Variants in BLTP1 observed in about 807,000 individuals in gnomAD.
BLTP1 encodes the protein fragile site-associated protein.
At chr4:122,254,251 T>C in the BLTP1 span, 1 of 1,612,524 alleles carries the variant, frequency 6.2e-7, no homozygotes, top group Non-Finnish European at 8.5e-7. Flanking sequence ...TGCCTCCTCC[T>C]CCAGATTCAT....
chr4:122,254,685 A>C, the BLTP1 span: 4 of 1,236,590 alleles, frequency 3.2e-6, no homozygotes, highest in Non-Finnish European at 4.1e-6. Context: ...TCAGTGCTCA[A>C]AAAGAAAAGA....
the BLTP1 span, among the ~76,000 whole-genome samples, chr4:122,334,711 T>C: frequency 6.6e-6 from 1 of 152,112 alleles, no homozygotes; most frequent in African/African-American, 2.4e-5. Flanking sequence ...CCAACCATTT[T>C]CACCTGTTTT....
the BLTP1 span, among the ~76,000 whole-genome samples, chr4:122,351,883 G>A: frequency 1.7e-3 from 264 of 152,260 alleles, no homozygotes; most frequent in Admixed American, 5.5e-3. Flanking sequence ...ATGATCTTTG[G>A]TTGGATTATG....
At chr4:122,323,199 C>T in the BLTP1 span, among the ~76,000 whole-genome samples, 2 of 151,592 alleles carry the variant, frequency 1.3e-5, no homozygotes, top group Non-Finnish European at 2.9e-5. Flanking sequence ...CTGTAACTCA[C>T]TGTATTTACT....
the BLTP1 span, among the ~76,000 whole-genome samples, chr4:122,203,358 A>G: frequency 1.3e-5 from 2 of 151,826 alleles, no homozygotes; most frequent in South Asian, 4.1e-4. Flanking sequence ...TCTGGGAATA[A>G]TGAAAATAAC....
At chr4:122,246,862 G>T in the BLTP1 span, 1 of 1,583,854 alleles carries the variant, frequency 6.3e-7, no homozygotes, top group Non-Finnish European at 8.6e-7. Flanking sequence ...GGATGTAAAA[G>T]CAAGCCTTGA....
the BLTP1 span, among the ~76,000 whole-genome samples, chr4:122,183,868 A>C: frequency 7.9e-4 from 120 of 152,234 alleles, 3 homozygotes; most frequent in East Asian, 0.019. Context: ...AATATCCTAA[A>C]TACTGAAAAT....
chr4:122,204,336 A>G, the BLTP1 span: 1 of 975,400 alleles, frequency 1.0e-6, no homozygotes, highest in Non-Finnish European at 1.2e-6. Context: ...GTGTTTTTAA[A>G]TGAATTCAGT....
the BLTP1 span, chr4:122,174,749 C>T: frequency 1.0e-6 from 1 of 953,898 alleles, no homozygotes; most frequent in Non-Finnish European, 1.5e-6. Context: ...TGACTTGCTT[C>T]TTCAAATAAA....
the BLTP1 span, chr4:122,189,866 A>G: frequency 7.5e-7 from 1 of 1,325,254 alleles, no homozygotes; most frequent in Non-Finnish European, 9.7e-7. Context: ...CTTTCTTTTC[A>G]GGATGCTACT....
chr4:122,307,020 G>A, the BLTP1 span, among the ~76,000 whole-genome samples: 4 of 152,096 alleles, frequency 2.6e-5, no homozygotes, highest in East Asian at 5.8e-4. Flanking sequence ...AAAGTATTTT[G>A]TACCCTTGGT....
At chr4:122,198,421 A>C in the BLTP1 span, 1 of 985,250 alleles carries the variant, frequency 1.0e-6, no homozygotes, top group East Asian at 1.1e-4. Flanking sequence ...GTATAAAGGC[A>C]GTTGAGAGTT....
chr4:122,275,513 A>G, the BLTP1 span, among the ~76,000 whole-genome samples: 5 of 152,128 alleles, frequency 3.3e-5, no homozygotes, highest in Non-Finnish European at 5.9e-5. Context: ...AAAGTAAACT[A>G]AATTTCTTTA....
the BLTP1 span, chr4:122,263,993 T>C: frequency 1.7e-6 from 1 of 585,652 alleles, no homozygotes; most frequent in East Asian, 1.4e-4. Flanking sequence ...TTAACAAATA[T>C]TTAATTAAAT....
At chr4:122,362,362 ATAAT>A in the BLTP1 span, 2 of 842,446 alleles carry the variant, frequency 2.4e-6, no homozygotes, top group Non-Finnish European at 3.6e-6. Context: ...ATTTGTGGCT[ATAAT>A]TAAAAGTTTG....
the BLTP1 span, chr4:122,262,956 G>A: frequency 6.2e-6 from 10 of 1,613,888 alleles, no homozygotes; most frequent in African/African-American, 6.7e-5. Context: ...CAGTGCTGCT[G>A]TGAAAAGTAG....
the BLTP1 span, chr4:122,230,205 C>A: frequency 6.2e-7 from 1 of 1,611,884 alleles, no homozygotes; most frequent in African/African-American, 1.3e-5. Flanking sequence ...GATGCCAGAA[C>A]TAAGAGGTAG....
At chr4:122,193,264 G>A in the BLTP1 span, among the ~76,000 whole-genome samples, 1 of 152,208 alleles carries the variant, frequency 6.6e-6, no homozygotes, top group Non-Finnish European at 1.5e-5. Context: ...GAATTTTTAG[G>A]TTACTTGGTA....
chr4:122,329,014 T>C, the BLTP1 span, among the ~76,000 whole-genome samples: 1 of 151,782 alleles, frequency 6.6e-6, no homozygotes, highest in Non-Finnish European at 1.5e-5. Flanking sequence ...CTCTCTGTCT[T>C]CAATCTTCTA....
Sources: gnomAD v4.1 joint callset for allele counts (sites outside exome capture counted in the v4.1 genomes callset) on GRCh38, gnomAD v4.1.1 for gene constraint, MANE v1.5 for transcripts, NCBI Gene and HGNC (gene_info 2026-07-23, HGNC 2026-07-21) for gene names.